The following MRPS10 variants were observed in gnomAD, a reference collection of about 807,000 sequenced individuals.
MRPS10 encodes small ribosomal subunit protein uS10m.
Under a neutral mutation model 27.5 loss-of-function variants are expected in MRPS10, and 23 were observed. That is an observed-to-expected ratio of 0.84 (90% CI 0.60 to 1.18). The LOEUF is 1.18. Among genes scored for constraint, MRPS10 ranks in the 50% most tolerant of loss-of-function variants. The probability of loss-of-function intolerance (pLI) is 0.00; values close to 1 mark genes in which losing one functional copy is unlikely to be tolerated. For synonymous variants in MRPS10, 88 were observed against 84.2 expected (o/e 1.04, Z -0.25); for missense variants, 237 against 240.1 (o/e 0.99, Z 0.09).
chr6:42,213,441 C>CTT (rs1411135890), intron 3 of MRPS10, among the ~76,000 whole-genome samples: 1 of 152,070 alleles, frequency 6.6e-6, no homozygotes, highest in African/African-American at 2.4e-5. Context: ...GAGCGAGACT[C>CTT]TGTCTCAAAA....
Position 42,208,851 on chromosome 6 carries a change from G to A in MRPS10, c.522+7C>T. ...CCCACCGAAAGAGGCAGAAATTCAA[G>A]CTATACCTTTGTTACTTCCATGGCA... On this transcript the variant is annotated splice_region_variant and intron_variant, in intron 6 of 6. Coordinates refer to ENST00000053468, the MANE Select transcript of MRPS10 (RefSeq NM_018141.4). The A allele has an allele frequency of 6.3e-7, 1 of 1,583,426 alleles. No individual in the cohort carries two copies. The highest frequency in any genetic ancestry group is 8.7e-7 in the Non-Finnish European group (1 of 1,154,170).
At position 42,217,822 on chromosome 6, in the gene MRPS10, C is replaced by G. The variant is rs200459973; in HGVS notation, c.28G>C (p.Val10Leu). MAARTAFGA[V>L]CRRLWQGLGN... is the part of the protein sequence containing the mutation. ...AGTACCTGCCAGAGGCGCCGGCACA[C>G]AGCACCGAACGCTGTCCGCGCCGCC... Residue 10 changes from valine (V) to leucine (L), a missense_variant, in exon 1 of 7, where the codon GTG becomes CTG. Coordinates refer to ENST00000053468, the MANE Select transcript of MRPS10 (RefSeq NM_018141.4). The G allele has an allele frequency of 9.3e-6, 15 of 1,614,058 alleles. No individual in the cohort carries two copies. Among genetic ancestry groups the G allele is most frequent in the Admixed American group, 1.7e-5 (1 of 60,000 alleles).
chr6:42,212,773 T>C (rs1169394546), intron 3 of MRPS10, among the ~76,000 whole-genome samples: 2 of 152,172 alleles, frequency 1.3e-5, no homozygotes, highest in South Asian at 2.1e-4. Flanking sequence ...TCTCAATTAC[T>C]CCAAAAAGGG....
intron 1 of MRPS10, 73 bp from the exon 2 acceptor site, chr6:42,214,417 AACTAAAAGGTT>A: frequency 8.3e-7 from 1 of 1,205,806 alleles, no homozygotes; most frequent in Non-Finnish European, 1.2e-6. Flanking sequence ...TTCCACTAAA[AACTAAAAGGTT>A]ACCTCATTAT....
Position 42,216,005 on chromosome 6 carries a change from CTTTTCTTTTTTTTTTCTTTTCT to C in MRPS10, c.49-1683_49-1662del, listed in dbSNP as rs1768915042. On this transcript the variant is annotated intron_variant, in intron 1 of 6. Coordinates refer to ENST00000053468, the MANE Select transcript of MRPS10 (RefSeq NM_018141.4). ...CTCCCACTATAAACCTCTGCTTTTT[CTTTTCTTTTTTTTTTCTTTTCT>C]TTTTTTTTTTTTTTTTGAGAGAGTC... Among the ~76,000 whole-genome samples, 4 of 141,372 alleles carry C rather than the reference CTTTTCTTTTTTTTTTCTTTTCT, an allele frequency of 2.8e-5. 1 individual carries two copies. In the South Asian group the frequency reaches 8.9e-4, roughly 32 times the overall value. 92.7% of individuals were successfully genotyped at this position (141,372 alleles called of 152,430 possible).
chr6:42,214,149 C>A lies in MRPS10; in HGVS notation c.157G>T (p.Asp53Tyr). 6.2e-7 allele frequency: 1 copy of A among 1,613,010 alleles called. No individual in the cohort carries two copies. Among genetic ancestry groups the A allele is most frequent in the African/African-American group, 1.3e-5 (1 of 74,972 alleles). ...GGTTTGGTCAAATCCTTTGGAACATCAACGTGTAGGTTTGAAAACTGTACC... is the reference window on the plus strand; with the variant it reads ...GGTTTGGTCAAATCCTTTGGAACATAAACGTGTAGGTTTGAAAACTGTACC... ...KWVQFSNLHV[D>Y]VPKDLTKPVV... is the part of the protein sequence containing the mutation. The change falls in exon 3 of 7, where the codon GAT (aspartate) becomes TAT (tyrosine). Residue 53 changes from aspartate (D) to tyrosine (Y), a missense_variant. Coordinates refer to ENST00000053468, the MANE Select transcript of MRPS10 (RefSeq NM_018141.4).
chr6:42,216,772 T>C (rs1011026954), intron 1 of MRPS10, among the ~76,000 whole-genome samples: 6 of 151,928 alleles, frequency 3.9e-5, no homozygotes, highest in South Asian at 2.1e-4. Context: ...GATCGTGCCA[T>C]TGCGCTCCAG....
In MRPS10 at chr6:42,214,222, A is replaced by C. The variant is rs1884318; in HGVS notation, c.114-30T>G. On this transcript the variant is annotated intron_variant, in intron 2 of 6. Transcript: ENST00000053468. Reference sequence around the variant, plus strand: ...GTGTGGGGAAAAAAAGAGAAACCTAAGTAAAATAGCACAAGAACCTATTTT... The same window carrying C: ...GTGTGGGGAAAAAAAGAGAAACCTACGTAAAATAGCACAAGAACCTATTTT... 1,006,021 of 1,606,588 alleles carry C rather than the reference A, an allele frequency of 0.63. 321,491 individuals are homozygous for C. Among genetic ancestry groups the C allele is most frequent in the East Asian group, 0.84 (37,492 of 44,770 alleles).
chr6:42,208,374 T>TA lies in MRPS10; in HGVS notation c.523-3dup, dbSNP rs1166123149. The TA allele has an allele frequency of 2.5e-6, 4 of 1,580,394 alleles. No homozygotes were observed. The Admixed American group carries it at 5.3e-5, about 21-fold the overall frequency. On this transcript the variant is annotated splice_region_variant and splice_polypyrimidine_tract_variant and intron_variant, in intron 6 of 6. Transcript: ENST00000053468. Reference sequence around the variant, plus strand: ...TTCTGGTAACTGTTCTAATTGTGTCTAAAAAAAGAAAGAAACAAAACTATA... The same window carrying TA: ...TTCTGGTAACTGTTCTAATTGTGTCTAAAAAAAAGAAAGAAACAAAACTATA...
At chr6:42,216,433 AAGGG>A (rs1341686334) in intron 1 of MRPS10, among the ~76,000 whole-genome samples, 1 of 88,634 alleles carries the variant, frequency 1.1e-5, no homozygotes, top group Non-Finnish European at 2.3e-5. Context: ...GGTGGTTTGG[AAGGG>A]AGGGCTGTCT....
chr6:42,211,788 T>TA lies in MRPS10; in HGVS notation c.315dup (p.Ile106TyrfsTer2), dbSNP rs770100299. 3 of 1,612,720 alleles carry TA rather than the reference T, an allele frequency of 1.9e-6. No individual in the cohort carries two copies. ...AGGAAAGGCCATACTCACACTTTAATAGAGATACCAAGTTCTTTAGCAGCA... is the reference window on the plus strand; with the variant it reads ...AGGAAAGGCCATACTCACACTTTAATAAGAGATACCAAGTTCTTTAGCAGCA... On this transcript the variant is annotated frameshift_variant, in exon 4 of 7. Transcript: ENST00000053468. LOFTEE classifies it high-confidence loss of function.
rs767186292 is a variant in MRPS10 at position 42,208,878 on chromosome 6, C to A, written c.502G>T (p.Val168Phe). The A allele has an allele frequency of 4.3e-6, 7 of 1,609,706 alleles. No individual in the cohort carries two copies. The highest frequency in any genetic ancestry group is 1.3e-5 in the African/African-American group (1 of 74,608). The change falls in exon 6 of 7, where the codon GTT becomes TTT. Residue 168 changes from valine (V) to phenylalanine (F), a missense_variant. Coordinates refer to ENST00000053468, the MANE Select transcript of MRPS10 (RefSeq NM_018141.4). ...EYIQRNLPEGVAMEVTKTQLE... is the reference protein window; with the variant it reads ...EYIQRNLPEGFAMEVTKTQLE... ...TATACCTTTGTTACTTCCATGGCAA[C>A]CCCTTCAGGTAAGTTTCGCTGAATA...
Position 42,210,110 on chromosome 6 carries a change from A to C in MRPS10, c.432+378T>G, listed in dbSNP as rs116689613. 6.5e-3 allele frequency among the ~76,000 whole-genome samples: 986 copies of C among 152,362 alleles called. 9 individuals are homozygous for C. Among genetic ancestry groups the C allele is most frequent in the African/African-American group, 0.023 (956 of 41,582 alleles). ...CTGTGCTGGCACTAATGGAAGCACA[A>C]ATGAGTAACAGATGAATGAAAAACC... On this transcript the variant is annotated intron_variant, in intron 5 of 6. Coordinates refer to ENST00000053468, the MANE Select transcript of MRPS10 (RefSeq NM_018141.4).
At position 42,215,833 on chromosome 6, in the gene MRPS10, G is replaced by C. The variant is rs116504960; in HGVS notation, c.49-1489C>G. Among the ~76,000 whole-genome samples, 1,022 of 152,120 alleles carry C rather than the reference G, an allele frequency of 6.7e-3. 9 individuals carry two copies. The highest frequency in any genetic ancestry group is 0.023 in the African/African-American group (965 of 41,480). ...TGCACCAAAGGGGAAAAGGAAAAAG[G>C]AAATCAGGTACAACACAAAGTGGTA... On this transcript the variant is annotated intron_variant, in intron 1 of 6. Transcript: ENST00000053468.
In MRPS10 at chr6:42,217,796, C is replaced by T. The variant is rs1432380789; in HGVS notation, c.48+6G>A. On this transcript the variant is annotated splice_donor_region_variant and intron_variant, in intron 1 of 6. Transcript: ENST00000053468. ...GCCCTCCTAGTCTCCCTAGCCAATCCAGTACCTGCCAGAGGCGCCGGCACA... is the reference window on the plus strand; with the variant it reads ...GCCCTCCTAGTCTCCCTAGCCAATCTAGTACCTGCCAGAGGCGCCGGCACA... 6.2e-7 allele frequency: 1 copy of T among 1,614,010 alleles called. No individual in the cohort carries two copies. Among genetic ancestry groups the T allele is most frequent in the South Asian group, 1.1e-5 (1 of 91,086 alleles).
At position 42,217,785 on chromosome 6, in the gene MRPS10, C is replaced by G. The variant is rs1768983539; in HGVS notation, c.48+17G>C. 1.2e-6 allele frequency: 2 copies of G among 1,613,996 alleles called. No individual in the cohort carries two copies. Among genetic ancestry groups the G allele is most frequent in the Non-Finnish European group, 1.7e-6 (2 of 1,179,922 alleles). ...TATCCCGGTCAGCCCTCCTAGTCTCCCTAGCCAATCCAGTACCTGCCAGAG... is the reference window on the plus strand; with the variant it reads ...TATCCCGGTCAGCCCTCCTAGTCTCGCTAGCCAATCCAGTACCTGCCAGAG... On this transcript the variant is annotated intron_variant, in intron 1 of 6. Coordinates refer to ENST00000053468, the MANE Select transcript of MRPS10 (RefSeq NM_018141.4).
Position 42,216,599 on chromosome 6 carries a change from T to C in MRPS10, c.48+1203A>G, listed in dbSNP as rs149873706. Among the ~76,000 whole-genome samples, 220 of 151,320 alleles carry C rather than the reference T, an allele frequency of 1.5e-3. 1 individual carries two copies. Among genetic ancestry groups the C allele is most frequent in the African/African-American group, 5.0e-3 (208 of 41,320 alleles). On this transcript the variant is annotated intron_variant, in intron 1 of 6. Transcript: ENST00000053468. Reference sequence around the variant, plus strand: ...GCCGAGGCTGCCGGATCACTTGAGGTCAGGAGTTCGAGACCAGCCTGACCG... The same window carrying C: ...GCCGAGGCTGCCGGATCACTTGAGGCCAGGAGTTCGAGACCAGCCTGACCG...
intron 6 of MRPS10, among the ~76,000 whole-genome samples, chr6:42,208,632 G>GGGAGAACTTCATAGGTGGTTCAC (rs1244929190): frequency 6.6e-6 from 1 of 152,140 alleles, no homozygotes; most frequent in Non-Finnish European, 1.5e-5. Context: ...ATATTGAGGA[G>GGGAGAACTTCATAGGTGGTTCAC]GGAGAACTTC....
chr6:42,217,464 A>C (rs1768974083), intron 1 of MRPS10, among the ~76,000 whole-genome samples: 1 of 152,296 alleles, frequency 6.6e-6, no homozygotes, highest in African/African-American at 2.4e-5. Context: ...CTCAGCCTCT[A>C]ATTTTCGCGA....
Sources: gnomAD v4.1 joint callset for allele counts (sites outside exome capture counted in the v4.1 genomes callset) on GRCh38, gnomAD v4.1.1 for gene constraint, MANE v1.5 for transcripts, NCBI Gene and HGNC (gene_info 2026-07-23, HGNC 2026-07-21) for gene names.